Variants in SUN1 observed in about 807,000 individuals in gnomAD.
SUN1 encodes SUN domain-containing protein 1.
A neutral mutation model predicts 103.2 loss-of-function variants in SUN1; 61 were observed. The ratio of observed to expected loss-of-function variants is 0.59; its 90% CI spans 0.48 to 0.73. The LOEUF is 0.73. Ranked by LOEUF, SUN1 falls within the 30% of genes least tolerant of loss-of-function variation. The probability of loss-of-function intolerance (pLI) is 0.00; values close to 1 mark genes in which losing one functional copy is unlikely to be tolerated. For synonymous variants in SUN1, 490 were observed against 425.7 expected (o/e 1.15, Z -1.86); for missense variants, 1,052 against 1,034.6 (o/e 1.02, Z -0.23).
At chr7:848,504 C>T (rs778740477) in intron 5 of SUN1, 1 of 1,363,900 alleles carries the variant, frequency 7.3e-7, no homozygotes, top group Non-Finnish European at 9.8e-7. Flanking sequence ...TCAACTTTTT[C>T]AAGTGGTTTT....
intron 11 of SUN1, 59 bp from the exon 12 acceptor site, chr7:856,299 T>A (rs1827219272): frequency 1.3e-6 from 2 of 1,547,180 alleles, no homozygotes; most frequent in African/African-American, 2.7e-5. Context: ...GTATGTGGTT[T>A]TATGAAAAGT....
At position 848,412 on chromosome 7, in the gene SUN1, T is replaced by A. The variant is rs376301378; in HGVS notation, c.659-2972T>A. ...GAAATAACGCATGTTCATGGTTTTT[T>A]AATAGGCGGTGCGTCTTTCTACGTG... On this transcript the variant is annotated intron_variant, in intron 5 of 18. Transcript: ENST00000401592. The A allele has an allele frequency of 9.2e-5, 124 of 1,350,858 alleles. No individual in the cohort carries two copies. The African/African-American group carries it at 1.7e-3, about 19-fold the overall frequency. The allele number at this position is 1,350,858 out of a possible 1,614,324, so 83.7% of individuals were successfully genotyped here.
intron 3 of SUN1, chr7:842,847 A>C (rs1275882956): frequency 2.4e-6 from 1 of 423,142 alleles, no homozygotes; most frequent in Non-Finnish European, 4.4e-6. Flanking sequence ...AGCTAGTGAG[A>C]GTGGTTACCA....
Position 849,994 on chromosome 7 carries a change from G to A in SUN1, c.659-1390G>A, listed in dbSNP as rs200884716. On this transcript the variant is annotated intron_variant, in intron 5 of 18. Transcript: ENST00000401592. The stretch of plus-strand genomic sequence containing the variant: ...CCACTCGCAGTCGCCACGGCTGCCC[G>A]GTCGGGCAGGGACCCTCTGGCACAT... The A allele has an allele frequency of 5.1e-4, 820 of 1,600,534 alleles. 6 individuals are homozygous for A. In the Middle Eastern group the frequency reaches 0.015, roughly 30 times the overall value.
intron 1 of SUN1, among the ~76,000 whole-genome samples, chr7:837,281 C>T (rs1408899975): frequency 6.6e-6 from 1 of 152,212 alleles, no homozygotes; most frequent in Non-Finnish European, 1.5e-5. Flanking sequence ...AGCCGTCACA[C>T]TCTGAGCAGC....
chr7:827,571 G>A (rs1386404050), upstream of SUN1, among the ~76,000 whole-genome samples: 1 of 149,350 alleles, frequency 6.7e-6, no homozygotes, highest in South Asian at 2.1e-4. Flanking sequence ...CCGGGTTCAC[G>A]CCATTCTCCC....
intron 1 of SUN1, chr7:817,167 C>T (rs983902449): frequency 3.6e-5 from 18 of 501,492 alleles, no homozygotes; most frequent in Non-Finnish European, 5.0e-5. Context: ...GCTGTGTTTC[C>T]CAGGCTGGTC....
intron 5 of SUN1, chr7:848,442 G>A (rs2128347607): frequency 7.3e-7 from 1 of 1,361,096 alleles, no homozygotes; most frequent in Non-Finnish European, 9.8e-7. Context: ...TACGTGAATA[G>A]GATTTTGTGG....
At chr7:841,303 G>A (rs1414454288) in intron 2 of SUN1, among the ~76,000 whole-genome samples, 5 of 148,934 alleles carry the variant, frequency 3.4e-5, no homozygotes, top group Non-Finnish European at 5.9e-5. Context: ...GAGTGCAGTG[G>A]CGTGATCTCA....
In SUN1 at chr7:851,943, C is replaced by G. The variant is rs745317240; in HGVS notation, c.758-7C>G. ...TTCCTTAGAATGTTTGGTGTTTTCT[C>G]TTGTAGGGAAGGCAGCCTCTGGAGT... On this transcript the variant is annotated splice_region_variant and splice_polypyrimidine_tract_variant and intron_variant, in intron 6 of 18. Coordinates refer to ENST00000401592, the MANE Select transcript of SUN1 (RefSeq NM_001130965.3). The G allele has an allele frequency of 7.4e-6, 12 of 1,613,554 alleles. No homozygotes were observed. The highest frequency in any genetic ancestry group is 1.7e-5 in the Admixed American group (1 of 59,856).
At chr7:833,526 A>G (rs770539582) in intron 1 of SUN1, among the ~76,000 whole-genome samples, 13 of 151,992 alleles carry the variant, frequency 8.6e-5, no homozygotes, top group Non-Finnish European at 1.3e-4. Context: ...GACCAGGCCA[A>G]TCTCGAGCTC....
chr7:867,789 C>T (rs1374247034), intron 16 of SUN1, among the ~76,000 whole-genome samples: 1 of 152,240 alleles, frequency 6.6e-6, no homozygotes, highest in Non-Finnish European at 1.5e-5. Flanking sequence ...GCCAGAGCGT[C>T]TCTCCAGACC....
At chr7:836,470 C>A (rs1466878015) in intron 1 of SUN1, among the ~76,000 whole-genome samples, 1 of 152,170 alleles carries the variant, frequency 6.6e-6, no homozygotes, top group Non-Finnish European at 1.5e-5. Flanking sequence ...GGTGTAAGTT[C>A]CAGGCCAAGT....
At chr7:848,416 A>C (rs748702689) in intron 5 of SUN1, 1 of 1,350,962 alleles carries the variant, frequency 7.4e-7, no homozygotes, top group Non-Finnish European at 9.8e-7. Flanking sequence ...GTTTTTTAAT[A>C]GGCGGTGCGT....
chr7:864,766 C>G (rs1373974282), intron 15 of SUN1, among the ~76,000 whole-genome samples: 3 of 86,526 alleles, frequency 3.5e-5, no homozygotes, highest in Non-Finnish European at 4.9e-5. Context: ...GTAGCTGGGA[C>G]TACAGGGGCG....
chr7:836,321 G>C (rs1455923281), intron 1 of SUN1, among the ~76,000 whole-genome samples: 1 of 152,204 alleles, frequency 6.6e-6, no homozygotes, highest in Non-Finnish European at 1.5e-5. Flanking sequence ...AGGCAGGAAG[G>C]GTGTGTCAGG....
At chr7:869,079 C>T (rs981554237) in intron 16 of SUN1, 1 of 445,742 alleles carries the variant, frequency 2.2e-6, no homozygotes, top group South Asian at 2.3e-5. Context: ...TGACCTTCAC[C>T]TTTTCTTTGA....
chr7:854,818 C>G (rs944582541), intron 10 of SUN1, 102 bp from the exon 11 acceptor site: 7 of 775,002 alleles, frequency 9.0e-6, no homozygotes, highest in Non-Finnish European at 1.3e-5. Flanking sequence ...ACCACAGATT[C>G]TCTGATTGTC....
At chr7:852,273 G>T in intron 7 of SUN1, 1 of 603,470 alleles carries the variant, frequency 1.7e-6, no homozygotes, top group South Asian at 2.1e-5. Flanking sequence ...AGCTGGGAGG[G>T]CCTGGGCAGG....
Sources: gnomAD v4.1 joint callset for allele counts (sites outside exome capture counted in the v4.1 genomes callset) on GRCh38, gnomAD v4.1.1 for gene constraint, MANE v1.5 for transcripts, NCBI Gene and HGNC (gene_info 2026-07-23, HGNC 2026-07-21) for gene names.